ECI1: variants seen among roughly 807,000 people sequenced by gnomAD.
ECI1 encodes enoyl-CoA delta isomerase 1, mitochondrial.
Under a neutral mutation model 34.2 loss-of-function variants are expected in ECI1, and 34 were observed. The observed-to-expected ratio is 1.00, with a 90% CI of 0.76 to 1.33. The LOEUF (loss-of-function observed/expected upper bound fraction) is 1.33. ECI1 is among the 40% of genes most tolerant of loss of function. The pLI is 0.00. For missense variants in ECI1, 456 were observed against 422.2 expected (o/e 1.08, Z -0.70); for synonymous variants, 211 against 193.0 (o/e 1.09, Z -0.77).
At chr16:2,250,316 C>A (rs904667147) in intron 2 of ECI1, among the ~76,000 whole-genome samples, 1 of 151,428 alleles carries the variant, frequency 6.6e-6, no homozygotes, top group Non-Finnish European at 1.5e-5. Flanking sequence ...TAGTTTGTCC[C>A]TCTCAAGTTT....
At position 2,246,988 on chromosome 16, in the gene ECI1, T is replaced by C. The variant is rs1390534754; in HGVS notation, c.167-2A>G. On this transcript the variant is annotated splice_acceptor_variant, in intron 2 of 6. Transcript: ENST00000301729. LOFTEE classifies it high-confidence loss of function. The stretch of plus-strand genomic sequence containing the variant: ...TCTTGAATTTCATCACAGCGACCCC[T>C]AATTTAAAGAATGAGAAGAGAAAGC... 4 of 1,612,974 alleles carry C rather than the reference T, an allele frequency of 2.5e-6. No individual in the cohort carries two copies. Among genetic ancestry groups the C allele is most frequent in the Admixed American group, 1.7e-5 (1 of 59,994 alleles).
intron 6 of ECI1, chr16:2,241,687 A>C (rs1394505975): frequency 2.0e-5 from 3 of 151,802 alleles, no homozygotes; most frequent in African/African-American, 7.3e-5. Context: ...TTCAGTGTCC[A>C]TAAAATTTTT....
chr16:2,242,124 T>C (rs894614929), intron 6 of ECI1, among the ~76,000 whole-genome samples: 4 of 152,120 alleles, frequency 2.6e-5, no homozygotes, highest in South Asian at 2.1e-4. Flanking sequence ...TCTTAAAATG[T>C]TGGGATTACA....
At chr16:2,242,147 C>T (rs1001179360) in intron 6 of ECI1, among the ~76,000 whole-genome samples, 5 of 152,264 alleles carry the variant, frequency 3.3e-5, no homozygotes, top group Admixed American at 6.5e-5. Flanking sequence ...TGTGAGCCAC[C>T]GCGCCTGGCC....
chr16:2,249,203 G>A (rs896226394), intron 2 of ECI1, among the ~76,000 whole-genome samples: 15 of 151,850 alleles, frequency 9.9e-5, no homozygotes, highest in Non-Finnish European at 2.2e-4. Context: ...CCGCCACCAC[G>A]CCCGGCTAAT....
At chr16:2,245,130 C>G (rs746330080) in intron 3 of ECI1, among the ~76,000 whole-genome samples, 1 of 152,168 alleles carries the variant, frequency 6.6e-6, no homozygotes, top group Admixed American at 6.5e-5. Flanking sequence ...TCAGGGCTGC[C>G]GGCCAGGGAG....
chr16:2,251,466 G>T (rs992829307), intron 1 of ECI1, 37 bp from the exon 2 acceptor site: 7 of 1,536,632 alleles, frequency 4.6e-6, no homozygotes, highest in Non-Finnish European at 6.1e-6. Flanking sequence ...TTAGTTCCCG[G>T]TCCTGGCCCC....
At chr16:2,244,980 A>G (rs1437521830) in intron 3 of ECI1, among the ~76,000 whole-genome samples, 1 of 152,170 alleles carries the variant, frequency 6.6e-6, no homozygotes, top group African/African-American at 2.4e-5. Flanking sequence ...GTGGACCAGG[A>G]AGTGCTAGGG....
At position 2,246,918 on chromosome 16, in the gene ECI1, C is replaced by T; in HGVS notation, c.235G>A (p.Val79Ile). Residue 79 changes from valine (V) to isoleucine (I), a missense_variant, in exon 3 of 7, where the codon GTC becomes ATC. Coordinates refer to ENST00000301729, the MANE Select transcript of ECI1 (RefSeq NM_001919.4). ...TTCTCCAGCTTCTCCAGGCTGATGA[C>T]CAGCTCCGTCAGAAACTCCAGGCTC... ...SLSLEFLTEL[V>I]ISLEKLENDK... 1.9e-6 allele frequency: 3 copies of T among 1,613,862 alleles called. No individual in the cohort carries two copies. The highest frequency in any genetic ancestry group is 1.3e-5 in the African/African-American group (1 of 75,034).
chr16:2,242,744 C>T lies in ECI1; in HGVS notation c.742+302G>A, dbSNP rs1396496921. The T allele has an allele frequency of 8.3e-6, 4 of 480,526 alleles. No individual in the cohort carries two copies. The East Asian group carries it at 1.5e-4, about 18-fold the overall frequency. The allele number at this position is 480,526 out of a possible 1,614,324, so 29.8% of individuals were successfully genotyped here. A position where few individuals can be genotyped will look rare whatever the true frequency, so the allele number is the denominator to read the frequency against. On this transcript the variant is annotated intron_variant, in intron 6 of 6. Transcript: ENST00000301729. ...AGATTAGAGCGAGGCGCCCACAAGC[C>T]CAGGGAGGCCTGGAGCCAGCAGAAG...
chr16:2,245,092 C>T (rs562643009), intron 3 of ECI1, among the ~76,000 whole-genome samples: 13 of 152,250 alleles, frequency 8.5e-5, no homozygotes, highest in South Asian at 8.3e-4. Context: ...GAGTAGCGGG[C>T]GCCAGCACAG....
chr16:2,242,110 G>A (rs1327231365), intron 6 of ECI1, among the ~76,000 whole-genome samples: 2 of 152,172 alleles, frequency 1.3e-5, no homozygotes, highest in Admixed American at 6.5e-5. Flanking sequence ...CGCCCGCCTC[G>A]GCCTCTTAAA....
chr16:2,242,731 G>A, intron 6 of ECI1: 1 of 454,598 alleles, frequency 2.2e-6, no homozygotes, highest in Non-Finnish European at 4.0e-6. Context: ...ATTAGAGCGA[G>A]GCGCCCACAA....
At position 2,244,511 on chromosome 16, in the gene ECI1, C is replaced by G; in HGVS notation, c.336G>C (p.Glu112Asp). ...GVFSAGLDLT[E>D]MCGRSPAHYA... Reference sequence around the variant, plus strand: ...AGTGGGCGGGGCTCCTCCCACACATCTCCGTCAGGTCCAGGCCGGCCGAGA... The same window carrying G: ...AGTGGGCGGGGCTCCTCCCACACATGTCCGTCAGGTCCAGGCCGGCCGAGA... The change falls in exon 4 of 7, where the codon GAG becomes GAC. Residue 112 changes from glutamate to aspartate, a missense_variant. Coordinates refer to ENST00000301729, the MANE Select transcript of ECI1 (RefSeq NM_001919.4). 1 of 1,603,688 alleles carries G rather than the reference C, an allele frequency of 6.2e-7. No homozygotes were observed. The highest frequency in any genetic ancestry group is 8.5e-7 in the Non-Finnish European group (1 of 1,175,948).
chr16:2,246,485 C>G (rs985033925), intron 3 of ECI1, among the ~76,000 whole-genome samples: 1 of 152,144 alleles, frequency 6.6e-6, no homozygotes, highest in Non-Finnish European at 1.5e-5. Flanking sequence ...GACGACGGCC[C>G]GGGCAGGGAA....
chr16:2,248,590 T>G (rs1408995026), intron 2 of ECI1, among the ~76,000 whole-genome samples: 1 of 151,874 alleles, frequency 6.6e-6, no homozygotes, highest in Non-Finnish European at 1.5e-5. Context: ...ATTTTTGCAT[T>G]TTTAGTAGAG....
At position 2,246,833 on chromosome 16, in the gene ECI1, G is replaced by C. The variant is rs776775804; in HGVS notation, c.294+26C>G. On this transcript the variant is annotated intron_variant, in intron 3 of 6. Transcript: ENST00000301729. ...GAACTCAGGCCAAGAACTCGGGCTG[G>C]GGTAGGGAGCTGAACTAGCACCTAC... 5 of 1,611,554 alleles carry C rather than the reference G, an allele frequency of 3.1e-6. No individual in the cohort carries two copies. In the South Asian group the frequency reaches 5.5e-5, roughly 18 times the overall value.
chr16:2,244,307 T>TC lies in ECI1; in HGVS notation c.441+98dup. On this transcript the variant is annotated intron_variant, in intron 4 of 6. Transcript: ENST00000301729. ...CTCAGGGCCTCTCCAACCGTCCCCT[T>TC]CCCCTGTGAGAGATTCCAAGGGCAG... 4.3e-6 allele frequency: 6 copies of TC among 1,395,980 alleles called. No individual in the cohort carries two copies. In the South Asian group the frequency reaches 7.4e-5, roughly 17 times the overall value. The allele number at this position is 1,395,980 out of a possible 1,614,324, so 86.5% of individuals were successfully genotyped here.
chr16:2,251,344 C>G lies in ECI1; in HGVS notation c.138G>C (p.Arg46=). 8.0e-7 allele frequency: 1 copy of G among 1,249,144 alleles called. No homozygotes were observed. The highest frequency in any genetic ancestry group is 1.0e-6 in the Non-Finnish European group (1 of 994,632). The allele number at this position is 1,249,144 out of a possible 1,614,324, so 77.4% of individuals were successfully genotyped here. The change falls in exon 2 of 7, where the codon CGG becomes CGC. Residue 46 remains arginine (R), a synonymous_variant. Coordinates refer to ENST00000301729, the MANE Select transcript of ECI1 (RefSeq NM_001919.4). ...GDGARRFGSQ[R]VLVEPDAGAG... The stretch of plus-strand genomic sequence containing the variant: ...CGCCCGCGTCCGGCTCCACCAGCAC[C>G]CGCTGGCTCCCGAAGCGCCGCGCGC...
Sources: gnomAD v4.1 joint callset for allele counts (sites outside exome capture counted in the v4.1 genomes callset) on GRCh38, gnomAD v4.1.1 for gene constraint, MANE v1.5 for transcripts, NCBI Gene and HGNC (gene_info 2026-07-23, HGNC 2026-07-21) for gene names.